The following STK32C variants were observed in gnomAD, a reference collection of about 807,000 sequenced individuals.
The protein encoded by STK32C is serine/threonine kinase 32C.
STK32C carries 31 observed loss-of-function variants against 56.5 expected under a neutral mutation model. The ratio of observed to expected loss-of-function variants is 0.55; its 90% CI spans 0.41 to 0.74. STK32C has a LOEUF of 0.74. Ranked by LOEUF, STK32C falls within the 30% of genes least tolerant of loss-of-function variation. The pLI is 0.00. For missense variants in STK32C, 544 were observed against 676.9 expected (o/e 0.80, Z 2.18); for synonymous variants, 309 against 289.4 (o/e 1.07, Z -0.69).
At chr10:132,304,074 T>C (rs920849606) in intron 1 of STK32C, among the ~76,000 whole-genome samples, 2 of 152,208 alleles carry the variant, frequency 1.3e-5, no homozygotes, top group Admixed American at 1.3e-4. Context: ...GCCTGAGCAA[T>C]GTCGTTCCTA....
At chr10:132,293,320 C>T (rs2065629827) in intron 1 of STK32C, among the ~76,000 whole-genome samples, 1 of 152,226 alleles carries the variant, frequency 6.6e-6, no homozygotes, top group South Asian at 2.1e-4. Context: ...CTGTCCTGGC[C>T]AGCAAGCTGT....
intron 1 of STK32C, among the ~76,000 whole-genome samples, chr10:132,300,503 G>C (rs993653300): frequency 6.6e-6 from 1 of 152,236 alleles, no homozygotes; most frequent in Non-Finnish European, 1.5e-5. Context: ...CTCTGCAGCA[G>C]CCTTGATTTT....
chr10:132,277,017 A>G (rs957037339), intron 1 of STK32C, among the ~76,000 whole-genome samples: 1 of 152,234 alleles, frequency 6.6e-6, no homozygotes, highest in Non-Finnish European at 1.5e-5. Flanking sequence ...TCACCCTGGG[A>G]AAGGGATGTG....
At chr10:132,301,666 C>T (rs192953087) in intron 1 of STK32C, among the ~76,000 whole-genome samples, 79 of 152,330 alleles carry the variant, frequency 5.2e-4, no homozygotes, top group East Asian at 4.4e-3. Context: ...GGAAACAGTG[C>T]GGGCTACTGG....
intron 1 of STK32C, among the ~76,000 whole-genome samples, chr10:132,268,661 G>A (rs11146294): frequency 2.7e-5 from 4 of 145,762 alleles, no homozygotes; most frequent in African/African-American, 1.0e-4. Flanking sequence ...GTGCATGCAT[G>A]TGTATGCAGG....
At chr10:132,217,157 A>G (rs2062498874) in intron 10 of STK32C, among the ~76,000 whole-genome samples, 1 of 152,272 alleles carries the variant, frequency 6.6e-6, no homozygotes, top group East Asian at 1.9e-4. Context: ...TACTCTGCAG[A>G]GCCACAAGGG....
intron 1 of STK32C, among the ~76,000 whole-genome samples, chr10:132,316,388 G>A (rs183056203): frequency 9.9e-5 from 15 of 152,230 alleles, no homozygotes; most frequent in African/African-American, 3.4e-4. Context: ...TGAGGTGGGA[G>A]GATTGCTTGA....
At chr10:132,306,068 C>T (rs886101257) in intron 1 of STK32C, among the ~76,000 whole-genome samples, 2 of 152,194 alleles carry the variant, frequency 1.3e-5, no homozygotes, top group African/African-American at 4.8e-5. Context: ...TTCTAGTGAT[C>T]CTTGAATTCT....
At position 132,208,006 on chromosome 10, in the gene STK32C, C is replaced by T. The variant is rs202021344; in HGVS notation, c.*4G>A. The T allele has an allele frequency of 2.0e-5, 26 of 1,305,508 alleles. No homozygotes were observed. Among genetic ancestry groups the T allele is most frequent in the African/African-American group, 3.0e-5 (2 of 66,408 alleles). The allele number at this position is 1,305,508 out of a possible 1,614,324, so 80.9% of individuals were successfully genotyped here. A position where few individuals can be genotyped will look rare whatever the true frequency, so the allele number is the denominator to read the frequency against. On this transcript the variant is annotated 3_prime_UTR_variant, in exon 12 of 12. Coordinates refer to ENST00000298630, the MANE Select transcript of STK32C (RefSeq NM_173575.4). ...CAAGGGGTGAGGACCACGGGCGTCCCGGCCTAGCCGCTCCCGGCCGAGGGG... is the reference window on the plus strand; with the variant it reads ...CAAGGGGTGAGGACCACGGGCGTCCTGGCCTAGCCGCTCCCGGCCGAGGGG...
At chr10:132,296,940 G>C (rs2065766747) in intron 1 of STK32C, among the ~76,000 whole-genome samples, 1 of 152,244 alleles carries the variant, frequency 6.6e-6, no homozygotes, top group Non-Finnish European at 1.5e-5. Context: ...CCACGGCAGG[G>C]GGTGCAGGGA....
intron 1 of STK32C, among the ~76,000 whole-genome samples, chr10:132,249,660 G>C (rs962824615): frequency 2.0e-5 from 3 of 152,194 alleles, no homozygotes; most frequent in Non-Finnish European, 4.4e-5. Flanking sequence ...CTGATGCCCA[G>C]CTCCTGCTGC....
chr10:132,273,916 C>A (rs1011108238), intron 1 of STK32C, among the ~76,000 whole-genome samples: 4 of 152,156 alleles, frequency 2.6e-5, no homozygotes, highest in Admixed American at 2.6e-4. Flanking sequence ...GTGTGCTGAC[C>A]CCAGCCCCAT....
intron 8 of STK32C, among the ~76,000 whole-genome samples, chr10:132,223,289 C>T (rs1031878581): frequency 1.3e-5 from 2 of 152,222 alleles, no homozygotes; most frequent in Admixed American, 1.3e-4. Flanking sequence ...CAGGAGGTGG[C>T]AGCCGAGGCC....
chr10:132,227,769 AC>A (rs2062944293), intron 3 of STK32C, among the ~76,000 whole-genome samples: 1 of 152,082 alleles, frequency 6.6e-6, no homozygotes, highest in South Asian at 2.1e-4. Context: ...GCATTAACCA[AC>A]CCCAGCATGT....
At position 132,212,019 on chromosome 10, in the gene STK32C, C is replaced by T. The variant is rs1013532480; in HGVS notation, c.1252-2918G>A. ...CTCGGACCCCAGATGTCACCCACAG[C>T]GAGGAGGGGCCTGGGAAATGGAGCA... On this transcript the variant is annotated intron_variant, in intron 10 of 11. Coordinates refer to ENST00000298630, the MANE Select transcript of STK32C (RefSeq NM_173575.4). Among the ~76,000 whole-genome samples the T allele has an allele frequency of 5.9e-5, 9 of 152,210 alleles. No individual in the cohort carries two copies. In the South Asian group the frequency reaches 6.2e-4, roughly 11 times the overall value.
intron 2 of STK32C, among the ~76,000 whole-genome samples, chr10:132,244,721 G>GA (rs1388265480): frequency 6.6e-6 from 1 of 152,188 alleles, no homozygotes; most frequent in East Asian, 1.9e-4. Flanking sequence ...GCTGCCAGAG[G>GA]GGAGCAGTCC....
intron 1 of STK32C, among the ~76,000 whole-genome samples, chr10:132,306,766 C>T (rs2066078515): frequency 6.6e-6 from 1 of 152,210 alleles, no homozygotes; most frequent in Non-Finnish European, 1.5e-5. Flanking sequence ...TTGCATGTTA[C>T]CTGTAGAAAA....
upstream of STK32C, chr10:132,332,052 C>A (rs564303925): frequency 1.2e-5 from 4 of 324,672 alleles, no homozygotes; most frequent in East Asian, 1.7e-4. Flanking sequence ...AGGCACAAAC[C>A]CCCACAACAC....
At chr10:132,254,277 C>T (rs1172497006) in intron 1 of STK32C, among the ~76,000 whole-genome samples, 1 of 150,988 alleles carries the variant, frequency 6.6e-6, no homozygotes, top group East Asian at 1.9e-4. Context: ...CCTCTGCACT[C>T]CAGCCTGGGC....
Sources: gnomAD v4.1 joint callset for allele counts (sites outside exome capture counted in the v4.1 genomes callset) on GRCh38, gnomAD v4.1.1 for gene constraint, MANE v1.5 for transcripts, NCBI Gene and HGNC (gene_info 2026-07-23, HGNC 2026-07-21) for gene names.